ERG: variants seen among roughly 807,000 people sequenced by gnomAD.
ERG encodes ETS transcription factor ERG, also known as transcriptional regulator ERG.
Under a neutral mutation model 55.3 loss-of-function variants are expected in ERG, and 9 were observed. That is an observed-to-expected ratio of 0.16 (90% confidence interval 0.10 to 0.28). ERG has a LOEUF of 0.28. Among genes scored for constraint, ERG ranks in the 10% least tolerant of loss-of-function variants. The pLI is 1.00. For synonymous variants in ERG, 223 were observed against 237.3 expected (o/e 0.94, Z 0.55); for missense variants, 434 against 631.6 (o/e 0.69, Z 3.35).
chr21:38,391,567 G>GTTAATTTTTTTTCAAACAAT (rs1247637696), intron 8 of ERG, 92 bp downstream of exon 8: 78 of 1,079,468 alleles, frequency 7.2e-5, no homozygotes, highest in Middle Eastern at 4.1e-4. Context: ...AAACAATCAT[G>GTTAATTTTTTTTCAAACAAT]TTAATTTCCA....
intron 1 of ERG, chr21:38,470,657 C>CAAACTGCT (rs1469891637): frequency 6.6e-6 from 1 of 152,160 alleles, no homozygotes; most frequent in Admixed American, 6.5e-5. Flanking sequence ...TTACATTTGT[C>CAAACTGCT]AAACTGCTTC....
At chr21:38,613,792 A>G (rs565186253) in intron 1 of ERG, among the ~76,000 whole-genome samples, 45 of 152,324 alleles carry the variant, frequency 3.0e-4, no homozygotes, top group African/African-American at 1.0e-3. Context: ...GTTAGCTTCC[A>G]AAAGACAAGG....
At chr21:38,539,383 A>G (rs2059734784) in intron 2 of ERG, among the ~76,000 whole-genome samples, 1 of 152,228 alleles carries the variant, frequency 6.6e-6, no homozygotes. Context: ...TACATATTAA[A>G]AAGATTCCAT....
At chr21:38,533,743 C>T (rs1018623918) in intron 2 of ERG, among the ~76,000 whole-genome samples, 5 of 152,144 alleles carry the variant, frequency 3.3e-5, no homozygotes, top group Non-Finnish European at 7.3e-5. Flanking sequence ...CATATCATGC[C>T]GCAAAGGGCG....
At chr21:38,507,161 G>A (rs948475046) in intron 2 of ERG, among the ~76,000 whole-genome samples, 1 of 152,172 alleles carries the variant, frequency 6.6e-6, no homozygotes, top group African/African-American at 2.4e-5. Context: ...GCTGGCTTAG[G>A]TAGGAACTGA....
rs189526287 is a variant in ERG at position 38,606,783 on chromosome 21, T to C, written c.-149-21838A>G. On this transcript the variant is annotated intron_variant, in intron 1 of 10. Coordinates refer to the ERG transcript ENST00000398910. The stretch of plus-strand genomic sequence containing the variant: ...TGGTAAGAGAAATTACTGAACTACC[T>C]AGAAAGAAGGAAAAACAGAGATGTT... 1.2e-3 allele frequency among the ~76,000 whole-genome samples: 177 copies of C among 152,164 alleles called. 2 individuals are homozygous for C. In the East Asian group the frequency reaches 0.029, roughly 25 times the overall value.
At chr21:38,595,685 T>G (rs940621015) in intron 1 of ERG, among the ~76,000 whole-genome samples, 8 of 152,106 alleles carry the variant, frequency 5.3e-5, no homozygotes, top group Non-Finnish European at 1.0e-4. Flanking sequence ...GTGTAGCCTT[T>G]AAGATGGAGA....
chr21:38,559,251 T>C (rs1036604968), intron 2 of ERG, among the ~76,000 whole-genome samples: 52 of 151,814 alleles, frequency 3.4e-4, no homozygotes, highest in Non-Finnish European at 5.6e-4. Context: ...AAGCAGGAGG[T>C]TGGAGTGGGA....
intron 2 of ERG, among the ~76,000 whole-genome samples, chr21:38,565,592 G>A (rs1462057354): frequency 6.6e-6 from 1 of 152,106 alleles, no homozygotes; most frequent in African/African-American, 2.4e-5. Context: ...TGCACATGCT[G>A]TTCCCTCTCT....
chr21:38,454,042 A>G (rs931414324), intron 1 of ERG, among the ~76,000 whole-genome samples: 1 of 152,154 alleles, frequency 6.6e-6, no homozygotes, highest in Non-Finnish European at 1.5e-5. Flanking sequence ...CTATTCCTTT[A>G]CATCCTTCTA....
chr21:38,466,617 C>A (rs2059093077), intron 1 of ERG, among the ~76,000 whole-genome samples: 1 of 151,940 alleles, frequency 6.6e-6, no homozygotes, highest in Non-Finnish European at 1.5e-5. Context: ...AATGACAGGT[C>A]TGGGAAATTA....
intron 2 of ERG, among the ~76,000 whole-genome samples, chr21:38,523,515 G>C (rs1035184132): frequency 3.3e-5 from 5 of 152,172 alleles, no homozygotes; most frequent in Non-Finnish European, 7.3e-5. Context: ...GCGGGGGCCA[G>C]GGTTGGACAA....
intron 3 of ERG, among the ~76,000 whole-genome samples, chr21:38,404,776 A>T (rs1357686476): frequency 6.6e-6 from 1 of 152,202 alleles, no homozygotes; most frequent in Admixed American, 6.5e-5. Flanking sequence ...AGGATGTTCC[A>T]GTCCTCTTGA....
chr21:38,594,625 TAAG>T (rs1420744476), intron 1 of ERG, among the ~76,000 whole-genome samples: 6 of 152,128 alleles, frequency 3.9e-5, no homozygotes, highest in African/African-American at 7.2e-5. Context: ...GCTGCTCCAG[TAAG>T]AAGAACTGGA....
intron 1 of ERG, among the ~76,000 whole-genome samples, chr21:38,591,377 A>G (rs975846): frequency 0.68 from 103,343 of 152,144 alleles, 35,294 homozygotes; most frequent in African/African-American, 0.72. Context: ...GGCTACTCAT[A>G]GAAGAAGTTG....
intron 1 of ERG, among the ~76,000 whole-genome samples, chr21:38,601,418 C>T (rs570544197): frequency 6.6e-6 from 1 of 151,464 alleles, no homozygotes; most frequent in South Asian, 2.1e-4. Context: ...CATAGACATG[C>T]TCACTAAGAA....
intron 1 of ERG, among the ~76,000 whole-genome samples, chr21:38,472,671 C>G (rs1436328974): frequency 6.6e-6 from 1 of 152,156 alleles, no homozygotes; most frequent in Non-Finnish European, 1.5e-5. Context: ...CCCTGAGAGT[C>G]AGGAGGGAGA....
chr21:38,528,909 T>C (rs1044984280), intron 2 of ERG, among the ~76,000 whole-genome samples: 1 of 152,186 alleles, frequency 6.6e-6, no homozygotes, highest in Admixed American at 6.5e-5. Flanking sequence ...AAAAAGATAC[T>C]ATGTCTGCAT....
intron 2 of ERG, among the ~76,000 whole-genome samples, chr21:38,573,549 T>C (rs1313776362): frequency 1.3e-5 from 2 of 152,380 alleles, no homozygotes; most frequent in Non-Finnish European, 2.9e-5. Context: ...AACATACATC[T>C]GGCCTATGTG....
Sources: gnomAD v4.1 joint callset for allele counts (sites outside exome capture counted in the v4.1 genomes callset) on GRCh38, gnomAD v4.1.1 for gene constraint, MANE v1.5 for transcripts, NCBI Gene and HGNC (gene_info 2026-07-23, HGNC 2026-07-21) for gene names.